The following PRH1 variants were observed in gnomAD, a reference collection of about 807,000 sequenced individuals.
The protein encoded by PRH1 is proline rich protein HaeIII subfamily 1.
In PRH1, 7 loss-of-function variants were observed where a neutral mutation model predicts 7.9. The ratio of observed to expected loss-of-function variants is 0.89; its 90% CI spans 0.50 to 1.67. The LOEUF is 1.67. PRH1 is among the 40% of genes most tolerant of loss of function. PRH1 has a pLI of 0.00. For missense variants in PRH1, 109 were observed against 223.6 expected, an observed-to-expected ratio of 0.49 and a Z score of 3.27; for synonymous variants, 45 against 80.8, an observed-to-expected ratio of 0.56 and a Z score of 2.38.
intron 1 of PRH1, among the ~76,000 whole-genome samples, chr12:11,008,786 G>C (rs7302419): frequency 6.6e-6 from 1 of 151,416 alleles, no homozygotes; most frequent in Non-Finnish European, 1.5e-5. Context: ...ATATATACTT[G>C]GACAGCTTCT....
intron 1 of PRH1, among the ~76,000 whole-genome samples, chr12:11,084,626 A>C (rs76743698): frequency 0.24 from 13,546 of 55,874 alleles, 823 homozygotes; most frequent in East Asian, 0.37. Context: ...TTTTACCTTT[A>C]ATATTTATAT....
intron 1 of PRH1, among the ~76,000 whole-genome samples, chr12:11,154,041 A>G (rs1345278250): frequency 6.6e-6 from 1 of 152,220 alleles, no homozygotes; most frequent in Non-Finnish European, 1.5e-5. Context: ...AGTATAAAAT[A>G]TTTTTGAGTT....
At chr12:11,007,402 T>G (rs1428178305) in intron 1 of PRH1, among the ~76,000 whole-genome samples, 1 of 152,132 alleles carries the variant, frequency 6.6e-6, no homozygotes, top group African/African-American at 2.4e-5. Flanking sequence ...TGGAATTAGT[T>G]CTGTTTTCCC....
chr12:11,071,258 CCAA>C (rs1277511557), intron 1 of PRH1, among the ~76,000 whole-genome samples: 1 of 151,716 alleles, frequency 6.6e-6, no homozygotes, highest in African/African-American at 2.4e-5. Context: ...GGACTTTCAT[CCAA>C]CAGGAGGGCA....
In PRH1 at chr12:10,996,929, A is replaced by G. The variant is rs185904771; in HGVS notation, c.-125-23208T>C. The stretch of plus-strand genomic sequence containing the variant: ...TTTGTTTTCTGCTAGAAAACACACA[A>G]TGCACCTCTTGTGAATCTATGGAGT... On this transcript the variant is annotated intron_variant, in intron 1 of 3. Coordinates refer to the PRH1 transcript ENST00000539853. 202 of 1,575,250 alleles carry G rather than the reference A, an allele frequency of 1.3e-4. 1 individual carries two copies. The East Asian group carries it at 2.4e-3, about 19-fold the overall frequency.
chr12:11,100,783 T>A (rs1160582996), intron 1 of PRH1, among the ~76,000 whole-genome samples: 2 of 152,160 alleles, frequency 1.3e-5, no homozygotes, highest in Non-Finnish European at 2.9e-5. Context: ...TACTCAAAGA[T>A]CAGGCTAAAT....
intron 2 of PRH1, among the ~76,000 whole-genome samples, chr12:10,960,706 T>C (rs1032274150): frequency 6.6e-6 from 1 of 152,164 alleles, no homozygotes; most frequent in African/African-American, 2.4e-5. Context: ...AAGCAGGAAG[T>C]GGCAAGTTCC....
At chr12:11,011,579 A>G (rs552528153) in intron 1 of PRH1, among the ~76,000 whole-genome samples, 1 of 152,262 alleles carries the variant, frequency 6.6e-6, no homozygotes, top group South Asian at 2.1e-4. Context: ...GTTGTTATGG[A>G]AATTTTAAAA....
intron 1 of PRH1, chr12:10,997,540 A>G (rs1940340651): frequency 1.9e-6 from 3 of 1,613,964 alleles, no homozygotes; most frequent in Non-Finnish European, 1.7e-6. Context: ...GTCTGGAGAA[A>G]TTGACGATCT....
intron 1 of PRH1, among the ~76,000 whole-genome samples, chr12:11,025,410 T>C (rs1941859031): frequency 6.6e-6 from 1 of 152,292 alleles, no homozygotes; most frequent in East Asian, 1.9e-4. Context: ...ATGTTTTCTG[T>C]TAAAATCAGG....
chr12:10,910,543 A>G (rs1461665417), intron 2 of PRH1, among the ~76,000 whole-genome samples: 1 of 152,190 alleles, frequency 6.6e-6, no homozygotes, highest in Non-Finnish European at 1.5e-5. Context: ...AAGATACCTT[A>G]CTGTACTGTA....
chr12:10,906,791 T>G (rs1949811094), intron 2 of PRH1, among the ~76,000 whole-genome samples: 1 of 152,222 alleles, frequency 6.6e-6, no homozygotes, highest in Non-Finnish European at 1.5e-5. Context: ...AAACCTCTTT[T>G]TCTTTATAAG....
intron 1 of PRH1, among the ~76,000 whole-genome samples, chr12:11,086,442 A>G (rs1455510117): frequency 1.4e-5 from 2 of 147,696 alleles, no homozygotes; most frequent in East Asian, 3.9e-4. Flanking sequence ...AATAGATGTT[A>G]AAATCAGTCT....
chr12:10,962,235 TA>T (rs1317687276), intron 2 of PRH1, among the ~76,000 whole-genome samples: 1 of 152,228 alleles, frequency 6.6e-6, no homozygotes, highest in Non-Finnish European at 1.5e-5. Context: ...AAATATTATA[TA>T]AAAATCACAT....
chr12:11,000,114 A>T (rs1026968887), intron 1 of PRH1, among the ~76,000 whole-genome samples: 2 of 152,140 alleles, frequency 1.3e-5, no homozygotes, highest in Non-Finnish European at 1.5e-5. Context: ...ACAGACATAG[A>T]AAAGTGCAAA....
At chr12:11,044,106 C>T (rs1188715744) in intron 1 of PRH1, among the ~76,000 whole-genome samples, 5 of 151,928 alleles carry the variant, frequency 3.3e-5, no homozygotes, top group Admixed American at 6.6e-5. Context: ...CATAGACCAA[C>T]GGAATAGAAT....
chr12:10,998,800 T>G (rs377468015), intron 1 of PRH1, among the ~76,000 whole-genome samples: 1 of 152,180 alleles, frequency 6.6e-6, no homozygotes, highest in South Asian at 2.1e-4. Flanking sequence ...ACCACAGGCA[T>G]AGTGACAACC....
Position 11,005,853 on chromosome 12 carries a change from T to C in PRH1, c.-125-32132A>G, listed in dbSNP as rs562666775. The C allele has an allele frequency of 1.8e-4, 27 of 152,282 alleles. No homozygotes were observed. In the South Asian group the frequency reaches 5.0e-3, roughly 28 times the overall value. The allele number at this position is 152,282 out of a possible 1,614,324, so 9.4% of individuals were successfully genotyped here. A position where few individuals can be genotyped will look rare whatever the true frequency, so the allele number is the denominator to read the frequency against. ...AGCTAATATTTAAATATGAATTGTT[T>C]AATTAAAATATTCAGCAATTTTTAA... On this transcript the variant is annotated intron_variant, in intron 1 of 3. Transcript: ENST00000539853.
rs748129986 is a variant in PRH1 at position 10,882,626 on chromosome 12, G to T, written c.173C>A (p.Pro58His). ...ATCCTGGTTCCCATCACCAGCAGAGGGTTGAGATTGCTGTCCTCCCAAAGG... is the reference window on the plus strand; with the variant it reads ...ATCCTGGTTCCCATCACCAGCAGAGTGTTGAGATTGCTGTCCTCCCAAAGG... Reference protein sequence around the residue: ...GPPLGGQQSQPSAGDGNQDDG... With the variant: ...GPPLGGQQSQHSAGDGNQDDG... The change falls in exon 3 of 4, where the codon CCC becomes CAC. Residue 58 changes from proline to histidine, a missense_variant. Physicochemically the swap from Pro to His is moderately conservative, Grantham distance 77. Around this residue, in one of 3 missense-constraint regions of PRH1, gnomAD observed 60 missense variants for 76.5 expected, o/e 0.78. Coordinates refer to ENST00000543626, the MANE Select transcript of PRH1 (RefSeq NM_001393989.1). The T allele has an allele frequency of 1.2e-6, 2 of 1,611,714 alleles. No individual in the cohort carries two copies. Among genetic ancestry groups the T allele is most frequent in the Non-Finnish European group, 1.7e-6 (2 of 1,179,244 alleles).
Sources: gnomAD v4.1 joint callset for allele counts (sites outside exome capture counted in the v4.1 genomes callset) on GRCh38, gnomAD v4.1.1 for gene constraint, gnomAD v4.1.1 regional missense constraint, MANE v1.5 for transcripts, NCBI Gene and HGNC (gene_info 2026-07-23, HGNC 2026-07-21) for gene names.